Variants in PDE4D observed in about 807,000 individuals in gnomAD.
PDE4D encodes phosphodiesterase 4D, also known as 3',5'-cyclic-AMP phosphodiesterase 4D.
A neutral mutation model predicts 87.4 loss-of-function variants in PDE4D; 24 were observed. That is an observed-to-expected ratio of 0.27 (90% CI 0.20 to 0.39). The LOEUF is 0.39. PDE4D is among the 10% of genes least tolerant of loss of function. The pLI is 1.00. For synonymous variants in PDE4D, 384 were observed against 383.2 expected (o/e 1.00, Z -0.02); for missense variants, 714 against 1,041.0 (o/e 0.69, Z 4.32).
chr5:59,301,730 T>C (rs759054912), intron 1 of PDE4D, among the ~76,000 whole-genome samples: 14 of 151,994 alleles, frequency 9.2e-5, no homozygotes, highest in South Asian at 2.1e-4. Context: ...GTTTAAAATG[T>C]CTTCATGTTA....
rs540567738 is a variant in PDE4D at position 59,755,438 on chromosome 5, A to G, written c.455+137730T>C. 1.2e-4 allele frequency among the ~76,000 whole-genome samples: 19 copies of G among 152,318 alleles called. 1 individual carries two copies. The East Asian group carries it at 2.5e-3, about 20-fold the overall frequency. On this transcript the variant is annotated intron_variant, in intron 1 of 14. Coordinates refer to ENST00000340635, the MANE Select transcript of PDE4D (RefSeq NM_001104631.2). The stretch of plus-strand genomic sequence containing the variant: ...TAAGTCTACTAGAAATATTAAATGT[A>G]AACAGTATAAATGGCCCACAGTTGC...
chr5:59,610,868 G>A (rs1467055758), intron 1 of PDE4D, among the ~76,000 whole-genome samples: 1 of 152,182 alleles, frequency 6.6e-6, no homozygotes, highest in Non-Finnish European at 1.5e-5. Flanking sequence ...GATAATGGCA[G>A]AAGGTAAGGA....
intron 1 of PDE4D, among the ~76,000 whole-genome samples, chr5:59,701,052 A>T (rs1752479921): frequency 6.6e-6 from 1 of 152,194 alleles, no homozygotes; most frequent in African/African-American, 2.4e-5. Flanking sequence ...CCAGAACCTA[A>T]ACCTTATTTA....
Position 59,649,905 on chromosome 5 carries a change from C to CTTT in PDE4D, c.455+243260_455+243262dup, listed in dbSNP as rs1156467369. 1.8e-4 allele frequency among the ~76,000 whole-genome samples: 13 copies of CTTT among 72,404 alleles called. 1 individual carries two copies. Among genetic ancestry groups the CTTT allele is most frequent in the African/African-American group, 7.3e-4 (11 of 15,134 alleles). 47.5% of individuals were successfully genotyped at this position (72,404 alleles called of 152,430 possible). On this transcript the variant is annotated intron_variant, in intron 1 of 14. Coordinates refer to ENST00000340635, the MANE Select transcript of PDE4D (RefSeq NM_001104631.2). ...GTTAAAATGTTGATAGTTTGTGAAC[C>CTTT]TTTTTTTTTTTTTTTTTTTTTTTTT...
At chr5:60,516,342 G>A (rs1180700256) in intron 1 of PDE4D, among the ~76,000 whole-genome samples, 2 of 152,204 alleles carry the variant, frequency 1.3e-5, no homozygotes, top group East Asian at 1.9e-4. Flanking sequence ...CTTTCTGAAG[G>A]AGGCAGCAGG....
intron 5 of PDE4D, among the ~76,000 whole-genome samples, chr5:59,105,043 G>T (rs1771365054): frequency 1.3e-5 from 2 of 152,298 alleles, no homozygotes; most frequent in South Asian, 4.1e-4. Context: ...CTTCTGTCGT[G>T]CTATCCAAAT....
intron 2 of PDE4D, among the ~76,000 whole-genome samples, chr5:60,070,475 TTTTG>T (rs1772589631): frequency 6.6e-6 from 1 of 152,104 alleles, no homozygotes; most frequent in East Asian, 1.9e-4. Flanking sequence ...TTATGCTTTA[TTTTG>T]TTAATGTGGA....
intron 2 of PDE4D, among the ~76,000 whole-genome samples, chr5:60,106,767 A>C (rs576877889): frequency 3.5e-4 from 53 of 152,316 alleles, no homozygotes; most frequent in African/African-American, 1.2e-3. Context: ...TACTGGGTAC[A>C]TAACGAAATG....
intron 1 of PDE4D, among the ~76,000 whole-genome samples, chr5:60,387,882 A>C (rs1461644134): frequency 6.6e-6 from 1 of 152,136 alleles, no homozygotes; most frequent in East Asian, 1.9e-4. Context: ...TCAGTCCCAA[A>C]GATGCTTCCA....
At position 59,090,807 on chromosome 5, in the gene PDE4D, CTTTT is replaced by C. The variant is rs61610340; in HGVS notation, c.809-51840_809-51837del. Among the ~76,000 whole-genome samples the C allele has an allele frequency of 7.2e-3, 762 of 106,020 alleles. 9 individuals are homozygous for C. The highest frequency in any genetic ancestry group is 0.025 in the African/African-American group (724 of 28,962). The allele number at this position is 106,020 out of a possible 152,430, so 69.6% of individuals were successfully genotyped here. On this transcript the variant is annotated intron_variant, in intron 5 of 14. Transcript: ENST00000340635. ...GTAGCCATGTTTTTTTTTTCTTTTT[CTTTT>C]TTTTTTTTTTTTTTTTGGTAAAAGG...
intron 1 of PDE4D, among the ~76,000 whole-genome samples, chr5:59,686,204 A>AATAACAGCAGCAAAT (rs1380617443): frequency 6.6e-6 from 1 of 152,166 alleles, no homozygotes; most frequent in Non-Finnish European, 1.5e-5. Context: ...ACTATGATTT[A>AATAACAGCAGCAAAT]ATAACAGCAG....
At chr5:59,966,901 A>G (rs1407378202) in intron 3 of PDE4D, among the ~76,000 whole-genome samples, 1 of 152,210 alleles carries the variant, frequency 6.6e-6, no homozygotes, top group Non-Finnish European at 1.5e-5. Flanking sequence ...ACTGTATTTA[A>G]GATATTCCTA....
chr5:60,285,749 C>T (rs1258956486), intron 1 of PDE4D, among the ~76,000 whole-genome samples: 4 of 152,212 alleles, frequency 2.6e-5, no homozygotes, highest in Non-Finnish European at 5.9e-5. Context: ...GTGGTGCCCA[C>T]AACTTCCCAA....
intron 5 of PDE4D, among the ~76,000 whole-genome samples, chr5:59,108,955 ATGTGTGTGTGTGTGTGTGTG>A (rs57004711): frequency 2.8e-4 from 34 of 121,904 alleles, no homozygotes; most frequent in African/African-American, 8.8e-4. Flanking sequence ...TAGGAACTCA[ATGTGTGTGTGTGTGTGTGTG>A]TGTGTGTGTG....
At chr5:59,466,456 C>T (rs1336483642) in intron 1 of PDE4D, among the ~76,000 whole-genome samples, 4 of 152,120 alleles carry the variant, frequency 2.6e-5, no homozygotes, top group Non-Finnish European at 5.9e-5. Flanking sequence ...TACACTTTTG[C>T]CCATTTGCAG....
chr5:60,143,603 T>TTTTGTGTGTG (rs1780730543), intron 2 of PDE4D, among the ~76,000 whole-genome samples: 13 of 117,754 alleles, frequency 1.1e-4, no homozygotes, highest in African/African-American at 4.0e-4. Context: ...AGCTTGGGAA[T>TTTTGTGTGTG]TGTGTGTGTG....
intron 1 of PDE4D, among the ~76,000 whole-genome samples, chr5:60,436,739 C>T (rs1036027139): frequency 3.9e-5 from 6 of 152,026 alleles, no homozygotes; most frequent in African/African-American, 1.4e-4. Context: ...TTCACTGAAG[C>T]ATACTGAACA....
At chr5:59,577,221 G>A (rs1293494875) in intron 1 of PDE4D, among the ~76,000 whole-genome samples, 1 of 152,142 alleles carries the variant, frequency 6.6e-6, no homozygotes, top group Non-Finnish European at 1.5e-5. Flanking sequence ...CTCAAATACT[G>A]TGGATATCAG....
chr5:59,317,695 T>C (rs1054035653), intron 1 of PDE4D, among the ~76,000 whole-genome samples: 3 of 151,948 alleles, frequency 2.0e-5, no homozygotes, highest in South Asian at 2.1e-4. Flanking sequence ...ATGAGGACAA[T>C]GGAGATATGG....
Sources: allele counts gnomAD v4.1 joint callset (sites outside exome capture counted in the v4.1 genomes callset), GRCh38; gene constraint gnomAD v4.1.1; transcripts MANE v1.5; gene names NCBI Gene and HGNC (gene_info 2026-07-23, HGNC 2026-07-21).